MICU3: variants seen among roughly 807,000 people sequenced by gnomAD.
MICU3 encodes the protein mitochondrial calcium uptake 3.
MICU3 carries 62 observed loss-of-function variants against 66.5 expected under a neutral mutation model. The ratio of observed to expected loss-of-function variants is 0.93; its 90% CI spans 0.76 to 1.15. The LOEUF is 1.15. Ranked by LOEUF, MICU3 falls within the 50% of genes most tolerant of loss-of-function variation. MICU3 has a pLI of 0.00. For synonymous variants in MICU3, 308 were observed against 240.7 expected (o/e 1.28, Z -2.59); for missense variants, 779 against 664.4 (o/e 1.17, Z -1.90).
intron 8 of MICU3, among the ~76,000 whole-genome samples, chr8:17,096,636 A>G (rs995693228): frequency 6.6e-6 from 1 of 151,896 alleles, no homozygotes; most frequent in African/African-American, 2.4e-5. Context: ...AAATATATCC[A>G]GTTACAGCAA....
At chr8:17,048,441 A>G (rs932675625) in intron 1 of MICU3, among the ~76,000 whole-genome samples, 8 of 152,208 alleles carry the variant, frequency 5.3e-5, no homozygotes, top group African/African-American at 1.9e-4. Flanking sequence ...CCCTTTATAT[A>G]AAACCATCAG....
chr8:17,028,835 G>A (rs954632758), intron 1 of MICU3, among the ~76,000 whole-genome samples: 2 of 152,060 alleles, frequency 1.3e-5, no homozygotes, highest in East Asian at 3.9e-4. Flanking sequence ...TTGGCAAGGA[G>A]CATAGCGTTT....
intron 11 of MICU3, 102 bp downstream of exon 11, chr8:17,105,686 A>C: frequency 1.7e-6 from 1 of 593,194 alleles, no homozygotes; most frequent in Non-Finnish European, 2.8e-6. Context: ...CTGTGGATTA[A>C]AAGATATCTT....
At position 17,027,284 on chromosome 8, in the gene MICU3, C is replaced by A; in HGVS notation, c.5C>A (p.Ala2Asp). The A allele has an allele frequency of 7.2e-7, 1 of 1,381,758 alleles. No homozygotes were observed. The highest frequency in any genetic ancestry group is 9.5e-7 in the Non-Finnish European group (1 of 1,058,060). The allele number at this position is 1,381,758 out of a possible 1,614,324, so 85.6% of individuals were successfully genotyped here. ...CTGGTGTGGGCGGCCTCCGCTATGG[C>A]TGCGCTGCGAAGGCTCTTGTGGCCG... MAALRRLLWPPP... is the reference protein window; with the variant it reads MDALRRLLWPPP... The change falls in exon 1 of 15, where the codon GCT becomes GAT. Residue 2 changes from alanine to aspartate, a missense_variant. Ala to Asp is a moderately radical substitution (Grantham distance 126, BLOSUM62 -2). Coordinates refer to ENST00000318063, the MANE Select transcript of MICU3 (RefSeq NM_181723.3).
chr8:17,085,233 C>T lies in MICU3; in HGVS notation c.695-3C>T. ...TGAATACCTTCTCTGTTTTTTCTGGCAGAGCCACATGCAGGGTTCAGAATA... is the reference window on the plus strand; with the variant it reads ...TGAATACCTTCTCTGTTTTTTCTGGTAGAGCCACATGCAGGGTTCAGAATA... On this transcript the variant is annotated splice_region_variant and splice_polypyrimidine_tract_variant and intron_variant, in intron 5 of 14. Coordinates refer to ENST00000318063, the MANE Select transcript of MICU3 (RefSeq NM_181723.3). 1.3e-6 allele frequency: 2 copies of T among 1,592,498 alleles called. No homozygotes were observed. The highest frequency in any genetic ancestry group is 1.7e-6 in the Non-Finnish European group (2 of 1,169,234).
intron 11 of MICU3, among the ~76,000 whole-genome samples, chr8:17,107,593 A>G (rs1760471255): frequency 6.6e-6 from 1 of 152,102 alleles, no homozygotes; most frequent in Non-Finnish European, 1.5e-5. Flanking sequence ...TACTGCACCT[A>G]TTTTTGTAAG....
At chr8:17,061,696 A>G (rs1197912849) in intron 1 of MICU3, among the ~76,000 whole-genome samples, 1 of 152,142 alleles carries the variant, frequency 6.6e-6, no homozygotes, top group Non-Finnish European at 1.5e-5. Context: ...GCCCAGGGAA[A>G]TGGCCTAGCA....
chr8:17,027,416 G>A lies in MICU3; in HGVS notation c.137G>A (p.Arg46Gln). 1 of 1,395,964 alleles carries A rather than the reference G, an allele frequency of 7.2e-7. No individual in the cohort carries two copies. The highest frequency in any genetic ancestry group is 2.9e-5 in the East Asian group (1 of 34,954). 86.5% of individuals were successfully genotyped at this position (1,395,964 alleles called of 1,614,324 possible). A position where few individuals can be genotyped will look rare whatever the true frequency, so the allele number is the denominator to read the frequency against. The change falls in exon 1 of 15, where the codon CGA becomes CAA. Residue 46 changes from arginine to glutamine, a missense_variant. Arg to Gln is a conservative substitution (Grantham distance 43). Coordinates refer to ENST00000318063, the MANE Select transcript of MICU3 (RefSeq NM_181723.3). ...LGLPGRPFSS[R>Q]EDEERAVAEA... Reference sequence around the variant, plus strand: ...CTTCCTGGCCGGCCCTTCTCCTCCCGAGAGGATGAGGAGAGGGCTGTGGCG... The same window carrying A: ...CTTCCTGGCCGGCCCTTCTCCTCCCAAGAGGATGAGGAGAGGGCTGTGGCG...
At chr8:17,123,969 C>T (rs1445601607), downstream of MICU3, among the ~76,000 whole-genome samples, 1 of 148,546 alleles carries the variant, frequency 6.7e-6, no homozygotes, top group Non-Finnish European at 1.5e-5. Context: ...AAAAAAACCA[C>T]CATCCCTCTG....
At chr8:17,124,223 T>C (rs1803344555), downstream of MICU3, among the ~76,000 whole-genome samples, 3 of 152,158 alleles carry the variant, frequency 2.0e-5, no homozygotes, top group Admixed American at 6.6e-5. Context: ...TAACCTGAGT[T>C]AATTATTATG....
chr8:17,090,365 T>G (rs572166812), intron 7 of MICU3, among the ~76,000 whole-genome samples, 181 bp from the exon 8 acceptor site: 1 of 152,252 alleles, frequency 6.6e-6, no homozygotes, highest in African/African-American at 2.4e-5. Flanking sequence ...TTTTTAAAAC[T>G]TTGCTACTCA....
At chr8:17,085,386 C>A in intron 6 of MICU3, 68 bp downstream of exon 6, 14 of 1,083,230 alleles carry the variant, frequency 1.3e-5, no homozygotes, top group South Asian at 4.3e-5. Context: ...TATGTTTTTG[C>A]CTTATTGGGA....
At chr8:17,060,426 G>C (rs946060703) in intron 1 of MICU3, among the ~76,000 whole-genome samples, 4 of 151,962 alleles carry the variant, frequency 2.6e-5, no homozygotes, top group African/African-American at 7.3e-5. Context: ...TCCTGCCTCA[G>C]CCTCCCAAGT....
intron 8 of MICU3, among the ~76,000 whole-genome samples, chr8:17,091,287 A>G (rs1296503168): frequency 6.6e-6 from 1 of 152,072 alleles, no homozygotes; most frequent in Non-Finnish European, 1.5e-5. Flanking sequence ...CCCAGCTGCT[A>G]AAGGAGAACA....
At chr8:17,078,976 G>A (rs1820781331) in intron 4 of MICU3, among the ~76,000 whole-genome samples, 1 of 152,122 alleles carries the variant, frequency 6.6e-6, no homozygotes. Flanking sequence ...TAAGTATGGT[G>A]AATTTCAAAC....
rs566761333 is a variant in MICU3, at chr8:17,085,384, T to C, written c.777+66T>C. ...TTGCTTACTTATATTTTTATGTTTT[T>C]GCCTTATTGGGAGTACTACTGTAGA... On this transcript the variant is annotated intron_variant, in intron 6 of 14. Coordinates refer to ENST00000318063, the MANE Select transcript of MICU3 (RefSeq NM_181723.3). 3.5e-6 allele frequency: 4 copies of C among 1,137,180 alleles called. No individual in the cohort carries two copies. In the African/African-American group the frequency reaches 6.3e-5, roughly 18 times the overall value. 70.4% of individuals were successfully genotyped at this position (1,137,180 alleles called of 1,614,324 possible).
At chr8:17,125,442 C>T (rs1803380745), downstream of MICU3, among the ~76,000 whole-genome samples, 1 of 152,014 alleles carries the variant, frequency 6.6e-6, no homozygotes, top group African/African-American at 2.4e-5. Flanking sequence ...AAATATCTGG[C>T]AATCCTTTGG....
chr8:17,089,632 A>G (rs941383875), intron 7 of MICU3, among the ~76,000 whole-genome samples: 2 of 152,060 alleles, frequency 1.3e-5, no homozygotes, highest in Non-Finnish European at 2.9e-5. Flanking sequence ...GGGTTTGAGT[A>G]TTAGCCCTGC....
At chr8:17,048,348 T>C (rs1406804126) in intron 1 of MICU3, among the ~76,000 whole-genome samples, 1 of 151,918 alleles carries the variant, frequency 6.6e-6, no homozygotes, top group Non-Finnish European at 1.5e-5. Flanking sequence ...GAAATAGAAA[T>C]TCACTGGCCT....
Sources: allele counts gnomAD v4.1 joint callset (sites outside exome capture counted in the v4.1 genomes callset), GRCh38; gene constraint gnomAD v4.1.1; transcripts MANE v1.5; gene names NCBI Gene and HGNC (gene_info 2026-07-23, HGNC 2026-07-21).